The following KLC4 variants were observed in gnomAD, a reference collection of about 807,000 sequenced individuals.
KLC4 encodes kinesin light chain 4.
Under a neutral mutation model 77.2 loss-of-function variants are expected in KLC4, and 49 were observed. The observed-to-expected ratio is 0.63, with a 90% CI of 0.50 to 0.80. The LOEUF is 0.80. Among genes scored for constraint, KLC4 ranks in the 30% least tolerant of loss-of-function variants. The probability of loss-of-function intolerance (pLI) is 0.00; values close to 1 mark genes in which losing one functional copy is unlikely to be tolerated. For missense variants in KLC4, 669 were observed against 793.5 expected (o/e 0.84, Z 1.89); for synonymous variants, 274 against 314.5 (o/e 0.87, Z 1.36).
At position 43,061,661 on chromosome 6, in the gene KLC4, TG is replaced by T. The variant is rs1424849741; in HGVS notation, c.258+72del. The T allele has an allele frequency of 3.4e-6, 5 of 1,466,782 alleles. No individual in the cohort carries two copies. In the East Asian group the frequency reaches 7.1e-5, roughly 21 times the overall value. The allele number at this position is 1,466,782 out of a possible 1,614,324, so 90.9% of individuals were successfully genotyped here. A position where few individuals can be genotyped will look rare whatever the true frequency, so the allele number is the denominator to read the frequency against. On this transcript the variant is annotated intron_variant, in intron 2 of 15. Coordinates refer to ENST00000347162, the MANE Select transcript of KLC4 (RefSeq NM_201521.3). ...AGGAGCAGTTATCTGATTAAAGGTTTGGGGCTGCTTGGGATCACCTCACTCT... is the reference window on the plus strand; with the variant it reads ...AGGAGCAGTTATCTGATTAAAGGTTTGGGCTGCTTGGGATCACCTCACTCT...
At position 43,059,679 on chromosome 6, in the gene KLC4, ATTGCAGGTGAGTCT is replaced by A; in HGVS notation, c.-28_-26+11del. ...GCAAGAGCGGCAGCCACACCGGCAG[ATTGCAGGTGAGTCT>A]TTGAGGGTATCCTGGGGCTGAAGGT... On this transcript the variant is annotated splice_donor_variant and splice_donor_5th_base_variant and 5_prime_UTR_variant and intron_variant, in exon 1 of 16. Transcript: ENST00000347162. LOFTEE classifies it low-confidence loss of function (5UTR_SPLICE). 1 of 1,336,822 alleles carries A rather than the reference ATTGCAGGTGAGTCT, an allele frequency of 7.5e-7. No homozygotes were observed. The highest frequency in any genetic ancestry group is 2.0e-5 in the South Asian group (1 of 49,744). The allele number at this position is 1,336,822 out of a possible 1,614,324, so 82.8% of individuals were successfully genotyped here. A position where few individuals can be genotyped will look rare whatever the true frequency, so the allele number is the denominator to read the frequency against.
chr6:43,061,110 T>C, intron 1 of KLC4: 1 of 594,254 alleles, frequency 1.7e-6, no homozygotes, highest in South Asian at 2.1e-5. Flanking sequence ...TCAGTTCATC[T>C]CCCTCTCGCT....
chr6:43,071,767 C>A, intron 10 of KLC4, 85 bp from the exon 11 acceptor site: 1 of 1,503,692 alleles, frequency 6.7e-7, no homozygotes. Flanking sequence ...GCACCCTAGC[C>A]CCATGCCACC....
chr6:43,070,641 T>C (rs1396410051), intron 7 of KLC4, 51 bp from the exon 8 acceptor site: 1 of 1,548,262 alleles, frequency 6.5e-7, no homozygotes, highest in African/African-American at 1.4e-5. Context: ...CGTGTGCTTG[T>C]GCACACACAT....
intron 2 of KLC4, among the ~76,000 whole-genome samples, chr6:43,062,172 T>C (rs1250014997): frequency 2.0e-5 from 3 of 152,244 alleles, no homozygotes; most frequent in Non-Finnish European, 2.9e-5. Flanking sequence ...GGTAGAAAAT[T>C]AAGTCTGAGG....
intron 11 of KLC4, 111 bp downstream of exon 11, chr6:43,072,033 C>A (rs758254222): frequency 1.2e-4 from 159 of 1,375,350 alleles, no homozygotes; most frequent in Non-Finnish European, 1.5e-4. Flanking sequence ...TCAGCTTTAG[C>A]TCTGTTCCCT....
At chr6:43,061,198 C>A in intron 1 of KLC4, 113 bp from the exon 2 acceptor site, 1 of 1,114,334 alleles carries the variant, frequency 9.0e-7, no homozygotes, top group Non-Finnish European at 1.3e-6. Flanking sequence ...AGCTAAGCCA[C>A]AGGGTCACTC....
chr6:43,074,782 G>A lies in KLC4; in HGVS notation c.*110G>A. The A allele has an allele frequency of 2.2e-6, 2 of 893,804 alleles. No individual in the cohort carries two copies. The highest frequency in any genetic ancestry group is 2.7e-5 in the South Asian group (2 of 73,824). 55.4% of individuals were successfully genotyped at this position (893,804 alleles called of 1,614,324 possible). A position where few individuals can be genotyped will look rare whatever the true frequency, so the allele number is the denominator to read the frequency against. On this transcript the variant is annotated 3_prime_UTR_variant, in exon 16 of 16. Coordinates refer to ENST00000347162, the MANE Select transcript of KLC4 (RefSeq NM_201521.3). The stretch of plus-strand genomic sequence containing the variant: ...CCCCTAGGTGGGACAGTGAAGGGGA[G>A]CAGTTTAACCAGAAGATTGCTGCTG...
At chr6:43,070,620 ATGC>A in intron 7 of KLC4, 69 bp from the exon 8 acceptor site, 2 of 1,525,624 alleles carry the variant, frequency 1.3e-6, no homozygotes, top group Non-Finnish European at 1.8e-6. Context: ...GTGTGCCTAC[ATGC>A]AAACACACGT....
In KLC4 at chr6:43,065,622, G is replaced by A. The variant is rs373584796; in HGVS notation, c.492G>A (p.Glu164=). The A allele has an allele frequency of 6.2e-7, 1 of 1,612,434 alleles. No homozygotes were observed. Among genetic ancestry groups the A allele is most frequent in the African/African-American group, 1.3e-5 (1 of 74,896 alleles). ...RQYDEDGHTS[E]EKEGDATKDS... is the part of the protein sequence containing the mutation. ...ATATGTTGCTTCTTCCCTTCCAGGA[G>A]GAGAAAGAAGGCGATGCCACCAAGG... The change falls in exon 4 of 16, where the codon GAG becomes GAA. Residue 164 remains glutamate (E), a splice_region_variant and synonymous_variant. Coordinates refer to ENST00000347162, the MANE Select transcript of KLC4 (RefSeq NM_201521.3).
rs1582029462 is a variant in KLC4, at chr6:43,073,472, G to A, written c.1745+134G>A. The A allele has an allele frequency of 1.2e-5, 7 of 587,022 alleles. No homozygotes were observed. In the East Asian group the frequency reaches 2.2e-4, roughly 18 times the overall value. The allele number at this position is 587,022 out of a possible 1,614,324, so 36.4% of individuals were successfully genotyped here. A position where few individuals can be genotyped will look rare whatever the true frequency, so the allele number is the denominator to read the frequency against. ...TTGAGACCAGCCTGGCCAACAAGGT[G>A]AAACTCTCTCCTAAAAATACAAAAA... On this transcript the variant is annotated intron_variant, in intron 14 of 15. Coordinates refer to ENST00000347162, the MANE Select transcript of KLC4 (RefSeq NM_201521.3).
In KLC4 at chr6:43,070,614, G is replaced by C. The variant is rs1049263092; in HGVS notation, c.982-78G>C. ...TTTCCTCTGCTTTCCACATGTGTGT[G>C]CCTACATGCAAACACACGTGTGCTT... On this transcript the variant is annotated intron_variant, in intron 7 of 15. Coordinates refer to ENST00000347162, the MANE Select transcript of KLC4 (RefSeq NM_201521.3). The C allele has an allele frequency of 1.3e-4, 192 of 1,501,054 alleles. 3 individuals are homozygous for C. The South Asian group carries it at 1.3e-3, about 10-fold the overall frequency. The allele number at this position is 1,501,054 out of a possible 1,614,324, so 93.0% of individuals were successfully genotyped here. A position where few individuals can be genotyped will look rare whatever the true frequency, so the allele number is the denominator to read the frequency against.
At chr6:43,059,894 CA>C in intron 1 of KLC4, 1 of 1,231,324 alleles carries the variant, frequency 8.1e-7, no homozygotes, top group Non-Finnish European at 1.0e-6. Flanking sequence ...CCGACTGACT[CA>C]GTGACCTCGG....
At position 43,063,056 on chromosome 6, in the gene KLC4, G is replaced by A. The variant is rs1561912103; in HGVS notation, c.398G>A (p.Ser133Asn). 6.2e-7 allele frequency: 1 copy of A among 1,614,254 alleles called. No homozygotes were observed. Among genetic ancestry groups the A allele is most frequent in the East Asian group, 2.2e-5 (1 of 44,888 alleles). ...GGCACCCAGCAGCGGCTACAGCGCAGTGAACAGGCTGTGGCTCAGCTGGAG... is the reference window on the plus strand; with the variant it reads ...GGCACCCAGCAGCGGCTACAGCGCAATGAACAGGCTGTGGCTCAGCTGGAG... ...LAGTQQRLQR[S>N]EQAVAQLEEE... The change falls in exon 3 of 16, where the codon AGT (serine) becomes AAT (asparagine). Residue 133 changes from serine (S) to asparagine (N), a missense_variant. Coordinates refer to ENST00000347162, the MANE Select transcript of KLC4 (RefSeq NM_201521.3).
At chr6:43,064,339 C>T (rs1765311019) in intron 3 of KLC4, among the ~76,000 whole-genome samples, 2 of 152,268 alleles carry the variant, frequency 1.3e-5, no homozygotes, top group Non-Finnish European at 1.5e-5. Context: ...GCCTGGGCAA[C>T]ATAGTGAGAC....
In KLC4 at chr6:43,073,276, G is replaced by T. The variant is rs199813554; in HGVS notation, c.1683G>T (p.Val561=). 9.3e-6 allele frequency: 15 copies of T among 1,614,164 alleles called. No homozygotes were observed. In the East Asian group the frequency reaches 1.3e-4, roughly 14 times the overall value. Residue 561 remains valine, a synonymous_variant, in exon 14 of 16, where the codon GTG becomes GTT. Transcript: ENST00000347162. ...RSGSLGKIRD[V]LRRSSELLVR... is the part of the protein sequence containing the mutation. ...GCTCTCTTGGCAAGATCCGGGATGT[G>T]CTCCGCAGAAGCAGTGAACTCTTGG...
chr6:43,071,976 T>C, intron 11 of KLC4, 54 bp downstream of exon 11: 1 of 1,541,030 alleles, frequency 6.5e-7, no homozygotes, highest in South Asian at 1.2e-5. Context: ...ATCCAGTCCC[T>C]GCTCCCAGCC....
chr6:43,066,761 C>T (rs890207091), intron 5 of KLC4, among the ~76,000 whole-genome samples: 2 of 152,118 alleles, frequency 1.3e-5, no homozygotes, highest in Non-Finnish European at 2.9e-5. Flanking sequence ...GTGCTCTCTC[C>T]CTCTCTTCCC....
At chr6:43,074,252 G>A (rs529896616) in intron 15 of KLC4, 367 of 462,262 alleles carry the variant, frequency 7.9e-4, no homozygotes, top group Non-Finnish European at 1.0e-3. Context: ...ATTATTTGGA[G>A]ATACGAATTA....
Sources: gnomAD v4.1 joint callset for allele counts (sites outside exome capture counted in the v4.1 genomes callset) on GRCh38, gnomAD v4.1.1 for gene constraint, MANE v1.5 for transcripts, NCBI Gene and HGNC (gene_info 2026-07-23, HGNC 2026-07-21) for gene names.